GRM7: variants seen among roughly 807,000 people sequenced by gnomAD.
GRM7 encodes the protein glutamate metabotropic receptor 7.
Under a neutral mutation model 84.5 loss-of-function variants are expected in GRM7, and 35 were observed. That is an observed-to-expected ratio of 0.41 (90% CI 0.32 to 0.55). GRM7 has a LOEUF of 0.55. GRM7 is among the 20% of genes least tolerant of loss of function. GRM7 has a pLI of 0.19. For synonymous variants in GRM7, 487 were observed against 455.1 expected (o/e 1.07, Z -0.89); for missense variants, 1,003 against 1,194.6 (o/e 0.84, Z 2.36).
chr3:7,471,454 G>T (rs1303685816), intron 7 of GRM7, among the ~76,000 whole-genome samples: 1 of 152,144 alleles, frequency 6.6e-6, no homozygotes, highest in South Asian at 2.1e-4. Context: ...GACAGTGGTG[G>T]GTGGATCCCA....
At chr3:7,325,058 G>A (rs982406876) in intron 4 of GRM7, among the ~76,000 whole-genome samples, 2 of 152,174 alleles carry the variant, frequency 1.3e-5, no homozygotes, top group African/African-American at 4.8e-5. Flanking sequence ...GATGGGAGAA[G>A]AGACAGAGCC....
chr3:6,905,466 A>C (rs1434145382), intron 1 of GRM7, among the ~76,000 whole-genome samples: 1 of 152,144 alleles, frequency 6.6e-6, no homozygotes, highest in Non-Finnish European at 1.5e-5. Context: ...CTTTTTTAAA[A>C]TCAGATTTAA....
chr3:7,315,416 G>T (rs1296006614), intron 4 of GRM7, among the ~76,000 whole-genome samples: 3 of 152,128 alleles, frequency 2.0e-5, no homozygotes, highest in African/African-American at 4.8e-5. Context: ...GCTGTATATT[G>T]CATGCCTCAA....
intron 8 of GRM7, among the ~76,000 whole-genome samples, chr3:7,666,981 G>A (rs949654235): frequency 1.3e-5 from 2 of 151,996 alleles, no homozygotes; most frequent in African/African-American, 4.8e-5. Flanking sequence ...TTTTGACATT[G>A]AGATGCCTGT....
At chr3:7,175,550 T>C (rs182618445) in intron 2 of GRM7, among the ~76,000 whole-genome samples, 2 of 152,198 alleles carry the variant, frequency 1.3e-5, no homozygotes, top group Non-Finnish European at 2.9e-5. Flanking sequence ...TTGTTTTGTC[T>C]TTTTTGAGAC....
chr3:7,186,591 A>T (rs976163630), intron 2 of GRM7, among the ~76,000 whole-genome samples: 10 of 152,140 alleles, frequency 6.6e-5, no homozygotes, highest in Non-Finnish European at 1.2e-4. Context: ...TGGTTAACTG[A>T]TTCCCTGTTT....
At chr3:7,407,320 T>C (rs1259373315) in intron 4 of GRM7, among the ~76,000 whole-genome samples, 2 of 152,128 alleles carry the variant, frequency 1.3e-5, no homozygotes, top group Admixed American at 1.3e-4. Flanking sequence ...AGAGGGATGG[T>C]CATTTTATGT....
intron 4 of GRM7, among the ~76,000 whole-genome samples, chr3:7,355,368 A>G (rs1235279595): frequency 6.6e-6 from 1 of 152,068 alleles, no homozygotes; most frequent in African/African-American, 2.4e-5. Context: ...AATCTCTGCA[A>G]TAGGTCCAGG....
chr3:7,613,778 G>C (rs1424733120), intron 8 of GRM7, among the ~76,000 whole-genome samples: 3 of 152,040 alleles, frequency 2.0e-5, no homozygotes, highest in African/African-American at 7.2e-5. Flanking sequence ...CTGACATCAA[G>C]ACCTCACATT....
At chr3:7,343,712 T>C (rs1220053566) in intron 4 of GRM7, among the ~76,000 whole-genome samples, 2 of 152,234 alleles carry the variant, frequency 1.3e-5, no homozygotes, top group Non-Finnish European at 2.9e-5. Context: ...TTAGAAATAC[T>C]GAGAAAGCTT....
intron 1 of GRM7, among the ~76,000 whole-genome samples, chr3:7,136,408 G>T (rs1693773033): frequency 6.7e-6 from 1 of 150,032 alleles, no homozygotes; most frequent in Non-Finnish European, 1.5e-5. Flanking sequence ...TGTTGCCTAG[G>T]TTGTCAGGAA....
At chr3:7,117,149 G>A (rs1211104557) in intron 1 of GRM7, among the ~76,000 whole-genome samples, 3 of 152,246 alleles carry the variant, frequency 2.0e-5, no homozygotes, top group Middle Eastern at 3.4e-3. Context: ...TGGAGGAGAT[G>A]GGAAACCCCG....
intron 1 of GRM7, among the ~76,000 whole-genome samples, chr3:7,143,121 A>G (rs1213147609): frequency 6.6e-6 from 1 of 152,168 alleles, no homozygotes; most frequent in Non-Finnish European, 1.5e-5. Context: ...GCAGCAAGAG[A>G]AAGTATATCT....
intron 9 of GRM7, among the ~76,000 whole-genome samples, chr3:7,721,069 T>C (rs550071748): frequency 6.6e-6 from 1 of 152,366 alleles, no homozygotes; most frequent in South Asian, 2.1e-4. Flanking sequence ...GCTCAACAGA[T>C]GCTACTACAT....
chr3:7,148,734 C>T (rs911212659), intron 2 of GRM7, among the ~76,000 whole-genome samples: 2 of 152,118 alleles, frequency 1.3e-5, no homozygotes, highest in Non-Finnish European at 2.9e-5. Context: ...CTCCCCAGCT[C>T]ATATTTTTAG....
At chr3:7,285,916 G>A (rs1431196897) in intron 2 of GRM7, among the ~76,000 whole-genome samples, 1 of 152,086 alleles carries the variant, frequency 6.6e-6, no homozygotes, top group Non-Finnish European at 1.5e-5. Flanking sequence ...TTAAGTTCAT[G>A]GGGCATCATT....
chr3:7,415,270 A>T, intron 5 of GRM7, 107 bp downstream of exon 5: 1 of 957,054 alleles, frequency 1.0e-6, no homozygotes, highest in Admixed American at 2.2e-5. Context: ...TGAAAAAGTA[A>T]ATTAAATTTT....
intron 2 of GRM7, among the ~76,000 whole-genome samples, chr3:7,218,377 T>C (rs1696684536): frequency 6.6e-6 from 1 of 152,158 alleles, no homozygotes; most frequent in Non-Finnish European, 1.5e-5. Flanking sequence ...AAATGTTTTA[T>C]ACATTTATTT....
intron 4 of GRM7, among the ~76,000 whole-genome samples, chr3:7,312,309 G>T (rs2125042826): frequency 6.6e-6 from 1 of 152,212 alleles, no homozygotes; most frequent in African/African-American, 2.4e-5. Context: ...TAGAAAACAT[G>T]CTACTTGGCA....
Sources: gnomAD v4.1 joint callset for allele counts (sites outside exome capture counted in the v4.1 genomes callset) on GRCh38, gnomAD v4.1.1 for gene constraint, MANE v1.5 for transcripts, NCBI Gene and HGNC (gene_info 2026-07-23, HGNC 2026-07-21) for gene names.